The following ITPKB variants were observed in gnomAD, a reference collection of about 807,000 sequenced individuals.
ITPKB encodes IP3 3-kinase B.
In ITPKB, 13 loss-of-function variants were observed where a neutral mutation model predicts 69.4. The ratio of observed to expected loss-of-function variants is 0.19; its 90% CI spans 0.12 to 0.30. ITPKB has a LOEUF of 0.30. Ranked by LOEUF, ITPKB falls within the 10% of genes least tolerant of loss-of-function variation. The pLI is 1.00. For synonymous variants in ITPKB, 584 were observed against 513.7 expected, an observed-to-expected ratio of 1.14 and a Z score of -1.85; for missense variants, 1,240 against 1,250.5, an observed-to-expected ratio of 0.99 and a Z score of 0.13.
In ITPKB at chr1:226,642,076, G is replaced by A. The variant is rs1159824630; in HGVS notation, c.2296C>T (p.Arg766Trp). ...LTKARKKPSL[R>W]KDMYQKMIEV... ...ATCATCTTCTGGTACATGTCCTTCCGCAGGCTGGGCTTCTTCCGGGCCTTC... is the reference window on the plus strand; with the variant it reads ...ATCATCTTCTGGTACATGTCCTTCCACAGGCTGGGCTTCTTCCGGGCCTTC... Residue 766 changes from arginine to tryptophan, a missense_variant, in exon 5 of 8, where the codon CGG becomes TGG. Physicochemically the swap from Arg to Trp is moderately radical, Grantham distance 101. Transcript: ENST00000429204. The surrounding 1 kb of genome is among the most constrained non-coding windows in gnomAD (Gnocchi z 6.4). 1.2e-6 allele frequency: 2 copies of A among 1,613,938 alleles called. No individual in the cohort carries two copies. The highest frequency in any genetic ancestry group is 1.7e-6 in the Non-Finnish European group (2 of 1,180,040).
At chr1:226,706,493 A>G (rs1167084662) in intron 2 of ITPKB, among the ~76,000 whole-genome samples, 1 of 152,218 alleles carries the variant, frequency 6.6e-6, no homozygotes, top group Non-Finnish European at 1.5e-5. Flanking sequence ...CTTGTTATCA[A>G]TGTCCTGAAA....
At chr1:226,676,540 G>C (rs1669738670) in intron 2 of ITPKB, among the ~76,000 whole-genome samples, 1 of 152,214 alleles carries the variant, frequency 6.6e-6, no homozygotes, top group Admixed American at 6.5e-5. Context: ...GCAAAATAGG[G>C]ATAATAACAA....
At chr1:226,692,261 C>G (rs546917987) in intron 2 of ITPKB, among the ~76,000 whole-genome samples, 5 of 151,204 alleles carry the variant, frequency 3.3e-5, no homozygotes, top group Non-Finnish European at 7.4e-5. Context: ...TTTTTTTTTC[C>G]CCTGGTTCTT....
chr1:226,647,402 T>C (rs1362258903), intron 3 of ITPKB, 22 bp from the exon 4 acceptor site: 1 of 1,585,602 alleles, frequency 6.3e-7, no homozygotes, highest in Non-Finnish European at 8.6e-7. Context: ...GTGTAGAAGG[T>C]TCCTGGTCTC....
At chr1:226,644,988 G>A (rs542669266) in intron 4 of ITPKB, among the ~76,000 whole-genome samples, 3 of 152,204 alleles carry the variant, frequency 2.0e-5, no homozygotes, top group Non-Finnish European at 4.4e-5. Flanking sequence ...GGGCTGGGCT[G>A]CAGCTGGGGG....
chr1:226,734,476 C>T (rs1278915677), intron 2 of ITPKB, among the ~76,000 whole-genome samples: 4 of 152,142 alleles, frequency 2.6e-5, no homozygotes, highest in Non-Finnish European at 5.9e-5. Flanking sequence ...AAGATGAAAT[C>T]GGAAGGCTAC....
chr1:226,652,966 C>G (rs1669225484), intron 2 of ITPKB, among the ~76,000 whole-genome samples: 1 of 152,058 alleles, frequency 6.6e-6, no homozygotes, highest in Admixed American at 6.6e-5. Flanking sequence ...GGGGGACTTG[C>G]TGCTGGCCGG....
chr1:226,669,904 C>T (rs1669579443), intron 2 of ITPKB, among the ~76,000 whole-genome samples: 1 of 149,800 alleles, frequency 6.7e-6, no homozygotes, highest in Admixed American at 6.6e-5. Flanking sequence ...GATGTTGTCT[C>T]GAACTGTCGC....
chr1:226,670,175 C>CAAAAAAAAA (rs35767912), intron 2 of ITPKB, among the ~76,000 whole-genome samples: 30 of 32,002 alleles, frequency 9.4e-4, no homozygotes, highest in East Asian at 3.2e-3. Flanking sequence ...AGCTCCGCCG[C>CAAAAAAAAA]AAAAAAAAAA....
At chr1:226,660,748 CAG>C (rs1669388486) in intron 2 of ITPKB, among the ~76,000 whole-genome samples, 1 of 152,182 alleles carries the variant, frequency 6.6e-6, no homozygotes, top group African/African-American at 2.4e-5. Flanking sequence ...TAGGAGGAAA[CAG>C]GGAGTGGCCA....
At chr1:226,658,275 C>T (rs1470144771) in intron 2 of ITPKB, among the ~76,000 whole-genome samples, 3 of 152,220 alleles carry the variant, frequency 2.0e-5, no homozygotes, top group Admixed American at 6.5e-5. Context: ...CAACTTTGTT[C>T]ATTGTATTCC....
At chr1:226,660,560 A>C (rs1669382034) in intron 2 of ITPKB, among the ~76,000 whole-genome samples, 1 of 152,124 alleles carries the variant, frequency 6.6e-6, no homozygotes, top group African/African-American at 2.4e-5. Context: ...CCATCCTCTT[A>C]AGAACTAAAA....
intron 2 of ITPKB, among the ~76,000 whole-genome samples, chr1:226,722,950 C>T (rs1322716349): frequency 3.3e-5 from 5 of 152,112 alleles, no homozygotes; most frequent in Non-Finnish European, 7.4e-5. Context: ...CTGCCCCCCA[C>T]CCATTACAGC....
chr1:226,672,645 C>T (rs1669639016), intron 2 of ITPKB, among the ~76,000 whole-genome samples: 1 of 152,190 alleles, frequency 6.6e-6, no homozygotes, highest in African/African-American at 2.4e-5. Flanking sequence ...GCTGCAATCC[C>T]TGCTGAAAGA....
intron 2 of ITPKB, among the ~76,000 whole-genome samples, chr1:226,675,494 T>C (rs964788441): frequency 2.6e-5 from 4 of 152,058 alleles, no homozygotes; most frequent in African/African-American, 7.2e-5. Context: ...CAGGCTGAAC[T>C]TGCAAGGAGC....
chr1:226,713,618 T>C (rs1265849337), intron 2 of ITPKB, among the ~76,000 whole-genome samples: 4 of 152,238 alleles, frequency 2.6e-5, no homozygotes, highest in Admixed American at 2.0e-4. Context: ...CGGGGTTTAC[T>C]AAAATCATCC....
chr1:226,726,511 AC>A (rs951164511), intron 2 of ITPKB, among the ~76,000 whole-genome samples: 1 of 152,102 alleles, frequency 6.6e-6, no homozygotes, highest in African/African-American at 2.4e-5. Context: ...AGATGTCTCT[AC>A]TAAAAAATAA....
intron 2 of ITPKB, among the ~76,000 whole-genome samples, chr1:226,649,924 G>C (rs1414177036): frequency 1.3e-5 from 2 of 151,828 alleles, no homozygotes; most frequent in Non-Finnish European, 2.9e-5. Context: ...CAGAGATGAA[G>C]ATCAAGTGTC....
chr1:226,680,230 A>T (rs1017300868), intron 2 of ITPKB, among the ~76,000 whole-genome samples: 4 of 151,668 alleles, frequency 2.6e-5, no homozygotes, highest in Admixed American at 6.6e-5. Context: ...CAGCCTTTCC[A>T]TGACGTGACT....
Sources: allele counts gnomAD v4.1 joint callset (sites outside exome capture counted in the v4.1 genomes callset), GRCh38; gene constraint gnomAD v4.1.1; non-coding constraint Gnocchi (gnomAD v3.1); transcripts MANE v1.5; gene names NCBI Gene and HGNC (gene_info 2026-07-23, HGNC 2026-07-21).